AEN: variants seen among roughly 807,000 people sequenced by gnomAD.
AEN encodes the protein apoptosis-enhancing nuclease.
Under a neutral mutation model 17.7 loss-of-function variants are expected in AEN, and 21 were observed. The observed-to-expected ratio is 1.19, with a 90% CI of 0.84 to 1.71. AEN has a LOEUF of 1.71. Ranked by LOEUF, AEN falls within the 40% of genes most tolerant of loss-of-function variation. AEN has a pLI of 0.00. For missense variants in AEN, 462 were observed against 435.9 expected (o/e 1.06, Z -0.53); for synonymous variants, 190 against 173.0 (o/e 1.10, Z -0.77).
At chr15:88,618,352 T>G (rs562841793), upstream of AEN, among the ~76,000 whole-genome samples, 127 of 152,358 alleles carry the variant, frequency 8.3e-4, no homozygotes, top group African/African-American at 3.0e-3. Flanking sequence ...TGTCACACAA[T>G]TATGCAGATA....
the AEN span, among the ~76,000 whole-genome samples, chr15:88,612,687 A>G: frequency 6.6e-6 from 1 of 151,588 alleles, no homozygotes; most frequent in East Asian, 1.9e-4. Flanking sequence ...TGCAACCTCC[A>G]CCTCCTGGGT....
the AEN span, among the ~76,000 whole-genome samples, chr15:88,611,569 C>T: frequency 1.3e-5 from 2 of 152,074 alleles, no homozygotes; most frequent in African/African-American, 4.8e-5. Flanking sequence ...GCACTACAGC[C>T]TGGGTGACAG....
chr15:88,630,417 C>T lies in AEN; in HGVS notation c.*123C>T. 2 of 886,864 alleles carry T rather than the reference C, an allele frequency of 2.3e-6. No individual in the cohort carries two copies. Among genetic ancestry groups the T allele is most frequent in the East Asian group, 2.7e-5 (1 of 37,726 alleles). The allele number at this position is 886,864 out of a possible 1,614,324, so 54.9% of individuals were successfully genotyped here. On this transcript the variant is annotated 3_prime_UTR_variant, in exon 4 of 4. Transcript: ENST00000332810. The surrounding 1 kb of genome is among the most constrained non-coding windows in gnomAD (Gnocchi z 5.1). ...GGATGCAGTGAGCCAGCCCCAGGGC[C>T]AGAGGAGTAGGGGTCATCTGTTACC...
the AEN span, among the ~76,000 whole-genome samples, chr15:88,611,172 G>A: frequency 3.3e-5 from 5 of 152,236 alleles, no homozygotes. Flanking sequence ...CACCAGTAGA[G>A]AGGGGTCACC....
chr15:88,607,342 A>G, the AEN span, among the ~76,000 whole-genome samples: 11 of 152,186 alleles, frequency 7.2e-5, no homozygotes, highest in African/African-American at 2.7e-4. Flanking sequence ...CATTGACTCC[A>G]CTTTCACCTG....
rs1374296517 is a variant in AEN, at chr15:88,629,235, C to T, written c.550C>T (p.Leu184Phe). ...FQVAQKEILK[L>F]LKGKVVVGHA... Reference sequence around the variant, plus strand: ...CTCTTTCTGCTCACAGATCCTTAAGCTCCTGAAGGGCAAGGTGGTGGTGGG... The same window carrying T: ...CTCTTTCTGCTCACAGATCCTTAAGTTCCTGAAGGGCAAGGTGGTGGTGGG... The change falls in exon 3 of 4, where the codon CTC (leucine) becomes TTC (phenylalanine). Residue 184 changes from leucine to phenylalanine, a missense_variant. By Grantham distance (22) the Leu-to-Phe change is conservative. Coordinates refer to ENST00000332810, the MANE Select transcript of AEN (RefSeq NM_022767.4). 1.9e-6 allele frequency: 3 copies of T among 1,614,080 alleles called. No individual in the cohort carries two copies. Among genetic ancestry groups the T allele is most frequent in the South Asian group, 1.1e-5 (1 of 91,082 alleles).
the AEN span, among the ~76,000 whole-genome samples, chr15:88,609,906 G>T: frequency 6.6e-6 from 1 of 152,206 alleles, no homozygotes; most frequent in African/African-American, 2.4e-5. Context: ...GGGCCAGGCT[G>T]TGCGCGAGGC....
chr15:88,629,446 C>T lies in AEN; in HGVS notation c.741+20C>T. On this transcript the variant is annotated intron_variant, in intron 3 of 3. Coordinates refer to ENST00000332810, the MANE Select transcript of AEN (RefSeq NM_022767.4). ...ATCCAGGTGCGTGGTGGGAGAGTGG[C>T]TGGAAGGGAGGGAGGCCCGCCTGGC... is the stretch of plus-strand genomic sequence containing the variant. 1 of 1,608,842 alleles carries T rather than the reference C, an allele frequency of 6.2e-7. No homozygotes were observed. The highest frequency in any genetic ancestry group is 8.5e-7 in the Non-Finnish European group (1 of 1,176,202).
upstream of AEN, among the ~76,000 whole-genome samples, chr15:88,619,685 C>T (rs918239061): frequency 2.6e-5 from 4 of 152,058 alleles, no homozygotes; most frequent in African/African-American, 9.7e-5. Flanking sequence ...GAGACTCCAT[C>T]TCAAAAACAA....
At chr15:88,613,240 C>A in the AEN span, among the ~76,000 whole-genome samples, 1 of 152,132 alleles carries the variant, frequency 6.6e-6, no homozygotes, top group East Asian at 1.9e-4. Flanking sequence ...TTCACTTCTA[C>A]CCAGAGACTT....
chr15:88,622,394 CAGG>C (rs931543354), intron 1 of AEN, among the ~76,000 whole-genome samples: 2 of 152,326 alleles, frequency 1.3e-5, no homozygotes, highest in African/African-American at 4.8e-5. Context: ...CAGCATGTAG[CAGG>C]AGGAGCCGCG....
Position 88,626,361 on chromosome 15 carries a change from G to T in AEN, c.152G>T (p.Gly51Val). The T allele has an allele frequency of 6.2e-7, 1 of 1,613,040 alleles. No homozygotes were observed. Among genetic ancestry groups the T allele is most frequent in the South Asian group, 1.1e-5 (1 of 90,978 alleles). ...MARKALLQEQGLLSMPPEPGS... is the reference protein window; with the variant it reads ...MARKALLQEQVLLSMPPEPGS... ...CGGAAGGCCTTGCTGCAGGAGCAGG[G>T]GCTGCTGAGCATGCCTCCAGAACCA... Residue 51 changes from glycine (G) to valine (V), a missense_variant, in exon 2 of 4, where the codon GGG becomes GTG. Physicochemically the swap from Gly to Val is moderately radical, Grantham distance 109. Coordinates refer to ENST00000332810, the MANE Select transcript of AEN (RefSeq NM_022767.4).
the AEN span, chr15:88,607,977 G>T: frequency 3.0e-5 from 10 of 338,140 alleles, no homozygotes; most frequent in Middle Eastern, 2.6e-3. Flanking sequence ...GTCCGGGGCA[G>T]CTATCATTGA....
chr15:88,617,321 T>TGGGC (rs2057746309), upstream of AEN, among the ~76,000 whole-genome samples: 1 of 152,184 alleles, frequency 6.6e-6, no homozygotes, highest in African/African-American at 2.4e-5. Flanking sequence ...TGGTGCAATC[T>TGGGC]TGGCTCGCTG....
chr15:88,628,271 T>G (rs1278989776), intron 2 of AEN: 1 of 152,264 alleles, frequency 6.6e-6, no homozygotes, highest in Non-Finnish European at 1.5e-5. Context: ...GTCCCTACTA[T>G]AAAGTCTCAA....
chr15:88,604,926 C>T, the AEN span: 5 of 152,168 alleles, frequency 3.3e-5, no homozygotes, highest in African/African-American at 1.2e-4. This position sits in a 1 kb window ranked among gnomAD's most constrained non-coding sequence, Gnocchi z 8.1. Context: ...GTCTTCCTCC[C>T]TAGCCGCGGC....
chr15:88,613,788 A>T, the AEN span, among the ~76,000 whole-genome samples: 3 of 146,866 alleles, frequency 2.0e-5, no homozygotes, highest in Non-Finnish European at 3.1e-5. Flanking sequence ...AATTGATCAC[A>T]TCTACCTTGC....
Position 88,629,242 on chromosome 15 carries a change from A to T in AEN, c.557A>T (p.Lys186Met). The change falls in exon 3 of 4, where the codon AAG becomes ATG. Residue 186 changes from lysine (K) to methionine (M), a missense_variant. Lys to Met is a moderately conservative substitution (Grantham distance 95, BLOSUM62 -1). Coordinates refer to ENST00000332810, the MANE Select transcript of AEN (RefSeq NM_022767.4). The stretch of plus-strand genomic sequence containing the variant: ...TGCTCACAGATCCTTAAGCTCCTGA[A>T]GGGCAAGGTGGTGGTGGGGCACGCG... ...VAQKEILKLL[K>M]GKVVVGHALH... 1 of 1,614,084 alleles carries T rather than the reference A, an allele frequency of 6.2e-7. No individual in the cohort carries two copies. Among genetic ancestry groups the T allele is most frequent in the Middle Eastern group, 1.6e-4 (1 of 6,062 alleles).
the AEN span, among the ~76,000 whole-genome samples, chr15:88,611,558 T>C: frequency 6.6e-6 from 1 of 152,058 alleles, no homozygotes. Context: ...ATTGCACCAC[T>C]GCACTACAGC....
Sources: gnomAD v4.1 joint callset for allele counts (sites outside exome capture counted in the v4.1 genomes callset) on GRCh38, gnomAD v4.1.1 for gene constraint, Gnocchi (gnomAD v3.1) non-coding constraint, MANE v1.5 for transcripts, NCBI Gene and HGNC (gene_info 2026-07-23, HGNC 2026-07-21) for gene names.